TBCD: variants seen among roughly 807,000 people sequenced by gnomAD.
TBCD encodes the protein tubulin-specific chaperone D.
In TBCD, 105 loss-of-function variants were observed where a neutral mutation model predicts 169.3. The ratio of observed to expected loss-of-function variants is 0.62; its 90% CI spans 0.53 to 0.73. The LOEUF is 0.73. Among genes scored for constraint, TBCD ranks in the 30% least tolerant of loss-of-function variants. TBCD has a pLI of 0.00. For missense variants in TBCD, 1,444 were observed against 1,600.1 expected (o/e 0.90, Z 1.66); for synonymous variants, 700 against 643.9 (o/e 1.09, Z -1.32).
chr17:82,805,943 A>G lies in TBCD; in HGVS notation c.1019A>G (p.Lys340Arg). 1.9e-6 allele frequency: 3 copies of G among 1,613,798 alleles called. No homozygotes were observed. In the South Asian group the frequency reaches 3.3e-5, roughly 18 times the overall value. Residue 340 changes from lysine (K) to arginine (R), a missense_variant, in exon 10 of 39, where the codon AAG becomes AGG. Lys to Arg is a conservative substitution (Grantham distance 26). Coordinates refer to ENST00000355528, the MANE Select transcript of TBCD (RefSeq NM_005993.5). Reference protein sequence around the residue: ...QLLTQGQSEQKPLILTEDDDE... With the variant: ...QLLTQGQSEQRPLILTEDDDE... ...CTCACTCAGGGTCAGAGTGAGCAGA[A>G]GCCACTCATCCTGACCGAAGATGAC...
intron 37 of TBCD, 46 bp from the exon 38 acceptor site, chr17:82,941,353 C>T (rs116857425): frequency 0.018 from 27,753 of 1,519,240 alleles, 348 homozygotes; most frequent in South Asian, 0.034. Context: ...ACCTGAGGTT[C>T]TCCGGTGGGC....
At position 82,889,643 on chromosome 17, in the gene TBCD, G is replaced by C; in HGVS notation, c.1534-25G>C. Reference sequence around the variant, plus strand: ...TGGCGGAAGCTGACCTCGCTCACCTGCTGTGTTTGTTCTTTGCTCCGCAGG... The same window carrying C: ...TGGCGGAAGCTGACCTCGCTCACCTCCTGTGTTTGTTCTTTGCTCCGCAGG... On this transcript the variant is annotated intron_variant, in intron 15 of 38. Transcript: ENST00000355528. This position sits in a 1 kb window ranked among gnomAD's most constrained non-coding sequence, Gnocchi z 5.3. 1 of 1,613,928 alleles carries C rather than the reference G, an allele frequency of 6.2e-7. No homozygotes were observed. Among genetic ancestry groups the C allele is most frequent in the African/African-American group, 1.3e-5 (1 of 75,062 alleles).
chr17:82,926,017 G>A (rs546734104), intron 27 of TBCD, among the ~76,000 whole-genome samples: 6 of 3,920 alleles, frequency 1.5e-3, no homozygotes, highest in Non-Finnish European at 2.7e-3. Context: ...GGGTTGTACT[G>A]GGGGCCGTGG....
chr17:82,858,044 C>CT (rs1417182108), intron 13 of TBCD, among the ~76,000 whole-genome samples: 4 of 152,090 alleles, frequency 2.6e-5, no homozygotes, highest in African/African-American at 9.7e-5. Flanking sequence ...TCCCAAGTAG[C>CT]TGGTGCTACA....
At position 82,945,136 on chromosome 17, in the gene TBCD, A is replaced by G. The variant is rs2063598665; in HGVS notation, c.*2673A>G. The G allele has an allele frequency of 6.6e-6, 1 of 152,208 alleles. No homozygotes were observed. The highest frequency in any genetic ancestry group is 6.5e-5 in the Admixed American group (1 of 15,286). 9.4% of individuals were successfully genotyped at this position (152,208 alleles called of 1,614,324 possible). ...CTAGAAATGATCAAGAAGAGATTAG[A>G]AAAAAACAGAGCCCCTAGAAATGTA... is the stretch of plus-strand genomic sequence containing the variant. On this transcript the variant is annotated 3_prime_UTR_variant, in exon 39 of 39. Transcript: ENST00000355528.
chr17:82,830,599 G>C, intron 13 of TBCD: 4 of 1,614,066 alleles, frequency 2.5e-6, no homozygotes, highest in Non-Finnish European at 3.4e-6. Context: ...TGCAGCTCGT[G>C]GTCGACCGGG....
intron 26 of TBCD, 135 bp from the exon 27 acceptor site, chr17:82,924,804 G>T (rs1026386787): frequency 3.1e-6 from 2 of 636,790 alleles, no homozygotes; most frequent in Non-Finnish European, 5.3e-6. Context: ...CTTTGGAAAC[G>T]TGTCTGCTTT....
chr17:82,830,501 C>G, intron 13 of TBCD: 12 of 1,613,472 alleles, frequency 7.4e-6, no homozygotes, highest in Non-Finnish European at 1.0e-5. Context: ...CCGTCACCGT[C>G]GAGGCTGCCT....
At chr17:82,929,308 C>T in intron 31 of TBCD, 37 bp downstream of exon 31, 1 of 1,611,010 alleles carries the variant, frequency 6.2e-7, no homozygotes, top group Non-Finnish European at 8.5e-7. Context: ...GCTGGCCCCG[C>T]AGCCATGGCG....
In TBCD at chr17:82,928,997, C is replaced by T. The variant is rs144186340; in HGVS notation, c.2694-116C>T. The T allele has an allele frequency of 7.4e-5, 100 of 1,343,234 alleles. No individual in the cohort carries two copies. The African/African-American group carries it at 9.5e-4, about 13-fold the overall frequency. The allele number at this position is 1,343,234 out of a possible 1,614,324, so 83.2% of individuals were successfully genotyped here. ...CTCAGCCACCATGTCCCGAGGAGCC[C>T]GCATGTCCTCGTGGTGCTTGGGCTG... On this transcript the variant is annotated intron_variant, in intron 30 of 38. Transcript: ENST00000355528.
intron 14 of TBCD, among the ~76,000 whole-genome samples, chr17:82,871,841 G>A (rs1258625418): frequency 2.0e-5 from 3 of 152,246 alleles, no homozygotes; most frequent in African/African-American, 7.2e-5. Context: ...CGTCCTGGGT[G>A]CGCCTCCACT....
chr17:82,934,954 A>T (rs886644739), intron 34 of TBCD, among the ~76,000 whole-genome samples: 2 of 152,148 alleles, frequency 1.3e-5, no homozygotes, highest in East Asian at 3.9e-4. Flanking sequence ...CAAAAACATT[A>T]GCCGGGTGTG....
At chr17:82,840,039 G>C (rs1241362229) in intron 13 of TBCD, 1 of 152,322 alleles carries the variant, frequency 6.6e-6, no homozygotes, top group African/African-American at 2.4e-5. Flanking sequence ...TGCTGTTCCA[G>C]TGGGAGGGAT....
intron 15 of TBCD, among the ~76,000 whole-genome samples, chr17:82,888,674 G>A (rs1243121198): frequency 2.6e-5 from 4 of 152,176 alleles, no homozygotes; most frequent in African/African-American, 7.2e-5. Flanking sequence ...GGTGGTGGGC[G>A]CGTCTGCTCC....
intron 13 of TBCD, among the ~76,000 whole-genome samples, chr17:82,822,744 A>G (rs1333439885): frequency 6.6e-6 from 1 of 152,262 alleles, no homozygotes; most frequent in Non-Finnish European, 1.5e-5. Flanking sequence ...TGCATGTAGG[A>G]TTCTGAACTC....
intron 18 of TBCD, among the ~76,000 whole-genome samples, chr17:82,902,346 A>T (rs1244615133): frequency 2.0e-5 from 3 of 152,186 alleles, no homozygotes; most frequent in Non-Finnish European, 4.4e-5. Context: ...AAAATGTGAA[A>T]ACCATTCTTA....
In TBCD at chr17:82,759,888, GTTTT is replaced by G. The variant is rs71885635; in HGVS notation, c.235+3686_235+3689del. Among the ~76,000 whole-genome samples, 339 of 121,484 alleles carry G rather than the reference GTTTT, an allele frequency of 2.8e-3. 2 individuals carry two copies. The highest frequency in any genetic ancestry group is 8.5e-3 in the Middle Eastern group (2 of 234). 79.7% of individuals were successfully genotyped at this position (121,484 alleles called of 152,430 possible). A position where few individuals can be genotyped will look rare whatever the true frequency, so the allele number is the denominator to read the frequency against. ...TTTTTCTGGGTCATTTCGTTTGTTT[GTTTT>G]TTTTTTTTTTTTGAGATGGAGTCTC... is the stretch of plus-strand genomic sequence containing the variant. On this transcript the variant is annotated intron_variant, in intron 2 of 38. Transcript: ENST00000355528.
intron 20 of TBCD, 141 bp downstream of exon 20, chr17:82,906,194 C>A: frequency 1.5e-6 from 1 of 670,552 alleles, no homozygotes; most frequent in Non-Finnish European, 2.5e-6. Context: ...CGATAGGCCC[C>A]AGGTTGTATT....
intron 34 of TBCD, among the ~76,000 whole-genome samples, chr17:82,934,280 C>T (rs2062443496): frequency 6.6e-6 from 1 of 152,210 alleles, no homozygotes; most frequent in Admixed American, 6.5e-5. Flanking sequence ...GATCTGGTCT[C>T]TGTTGCTCCA....
Sources: allele counts gnomAD v4.1 joint callset (sites outside exome capture counted in the v4.1 genomes callset), GRCh38; gene constraint gnomAD v4.1.1; non-coding constraint Gnocchi (gnomAD v3.1); transcripts MANE v1.5; gene names NCBI Gene and HGNC (gene_info 2026-07-23, HGNC 2026-07-21).